Variants in CCSER1 observed in about 807,000 individuals in gnomAD.
The protein encoded by CCSER1 is serine-rich coiled-coil domain-containing protein 1.
Under a neutral mutation model 82.0 loss-of-function variants are expected in CCSER1, and 41 were observed. That is an observed-to-expected ratio of 0.50 (90% CI 0.39 to 0.65). The LOEUF (loss-of-function observed/expected upper bound fraction) is 0.65, where lower values mean the gene tolerates loss of function less well. Among genes scored for constraint, CCSER1 ranks in the 30% least tolerant of loss-of-function variants. The pLI, the probability that CCSER1 is intolerant of heterozygous loss-of-function variation, is 0.00. For missense variants in CCSER1, 1,119 were observed against 1,064.2 expected (o/e 1.05, Z -0.72); for synonymous variants, 414 against 383.9 (o/e 1.08, Z -0.92).
intron 5 of CCSER1, among the ~76,000 whole-genome samples, chr4:90,512,555 G>A (rs1771685054): frequency 6.6e-6 from 1 of 152,018 alleles, no homozygotes; most frequent in Non-Finnish European, 1.5e-5. Context: ...TCTTATGTCT[G>A]TAAGATGGAT....
chr4:90,566,091 C>G (rs906422639), intron 5 of CCSER1, among the ~76,000 whole-genome samples: 1 of 151,076 alleles, frequency 6.6e-6, no homozygotes, highest in African/African-American at 2.4e-5. Context: ...CTCCTGACCT[C>G]AAATGATCCA....
chr4:90,233,479 G>A (rs1159154163), intron 1 of CCSER1, among the ~76,000 whole-genome samples: 1 of 152,040 alleles, frequency 6.6e-6, no homozygotes, highest in African/African-American at 2.4e-5. Context: ...GTTGTGGGGT[G>A]GGGAAAGTGG....
At position 91,597,979 on chromosome 4, in the gene CCSER1, T is replaced by C. The variant is rs189094297; in HGVS notation, c.2218-593T>C. Reference sequence around the variant, plus strand: ...TATGTACTTGTGGACCTGATTTTGATTAATAAATTGCATCCAAAAGTCTAA... The same window carrying C: ...TATGTACTTGTGGACCTGATTTTGACTAATAAATTGCATCCAAAAGTCTAA... On this transcript the variant is annotated intron_variant, in intron 10 of 10. Transcript: ENST00000509176. Among the ~76,000 whole-genome samples the C allele has an allele frequency of 9.4e-4, 143 of 152,316 alleles. 2 individuals carry two copies. Among genetic ancestry groups the C allele is most frequent in the Non-Finnish European group, 1.0e-3 (68 of 68,020 alleles).
chr4:90,391,509 A>ATATATATG (rs1295561768), intron 3 of CCSER1, among the ~76,000 whole-genome samples: 1 of 114,346 alleles, frequency 8.7e-6, no homozygotes, highest in African/African-American at 5.2e-5. Context: ...GGGTAAATAT[A>ATATATATG]TATATATATA....
Position 91,113,447 on chromosome 4 carries a change from C to G in CCSER1, c.2217+27453C>G, listed in dbSNP as rs6815739. Reference sequence around the variant, plus strand: ...TATCATCACAAATCCACCCTGGAGACTTACGTTTTGAGTGATTAGTAGGTC... The same window carrying G: ...TATCATCACAAATCCACCCTGGAGAGTTACGTTTTGAGTGATTAGTAGGTC... On this transcript the variant is annotated intron_variant, in intron 10 of 10. Coordinates refer to ENST00000509176, the MANE Select transcript of CCSER1 (RefSeq NM_001145065.2). Among the ~76,000 whole-genome samples, 1,039 of 152,270 alleles carry G rather than the reference C, an allele frequency of 6.8e-3. 8 individuals are homozygous for G. Among genetic ancestry groups the G allele is most frequent in the African/African-American group, 0.023 (971 of 41,554 alleles).
intron 8 of CCSER1, among the ~76,000 whole-genome samples, chr4:90,816,723 A>G (rs548893655): frequency 6.6e-6 from 1 of 152,256 alleles, no homozygotes; most frequent in Non-Finnish European, 1.5e-5. Context: ...CGTATTTTTA[A>G]TGATTATTTC....
At chr4:90,904,881 T>C (rs1240568683) in intron 8 of CCSER1, among the ~76,000 whole-genome samples, 1 of 152,086 alleles carries the variant, frequency 6.6e-6, no homozygotes, top group Non-Finnish European at 1.5e-5. Context: ...TTCACCCTTA[T>C]TTTCAGTTCA....
chr4:90,494,210 G>A (rs903701904), intron 5 of CCSER1, among the ~76,000 whole-genome samples: 17 of 152,162 alleles, frequency 1.1e-4, no homozygotes, highest in African/African-American at 1.2e-4. Context: ...CACAAGAAGA[G>A]CTAACTATCC....
chr4:91,031,189 A>T (rs1740951753), intron 9 of CCSER1, among the ~76,000 whole-genome samples: 1 of 152,194 alleles, frequency 6.6e-6, no homozygotes, highest in Non-Finnish European at 1.5e-5. Flanking sequence ...CACTGCCTGG[A>T]TGAGCTTGAT....
chr4:90,511,321 G>A (rs528916398), intron 5 of CCSER1, among the ~76,000 whole-genome samples: 8 of 152,158 alleles, frequency 5.3e-5, no homozygotes, highest in African/African-American at 9.7e-5. Context: ...GGGAGGCTGA[G>A]GCAGGAGAAT....
chr4:90,569,887 G>A (rs562894657), intron 5 of CCSER1, among the ~76,000 whole-genome samples: 45 of 152,206 alleles, frequency 3.0e-4, no homozygotes, highest in African/African-American at 1.1e-3. Context: ...GCTCCCACAG[G>A]AGAGTGCCTA....
intron 10 of CCSER1, among the ~76,000 whole-genome samples, chr4:91,164,517 G>C (rs1731813254): frequency 6.6e-6 from 1 of 152,102 alleles, no homozygotes; most frequent in Non-Finnish European, 1.5e-5. Context: ...TAATATCCTG[G>C]AGAGTGTTTT....
At chr4:90,607,477 G>A (rs1159962807) in intron 5 of CCSER1, among the ~76,000 whole-genome samples, 1 of 152,084 alleles carries the variant, frequency 6.6e-6, no homozygotes, top group Non-Finnish European at 1.5e-5. Flanking sequence ...GGTTCCTTCT[G>A]AGGGCTGCCT....
intron 1 of CCSER1, among the ~76,000 whole-genome samples, chr4:90,273,507 T>A (rs1322668117): frequency 6.6e-6 from 1 of 152,140 alleles, no homozygotes; most frequent in African/African-American, 2.4e-5. Flanking sequence ...AAAAATAATT[T>A]TAAAAAACTG....
chr4:91,027,726 G>T (rs1189898836), intron 9 of CCSER1, among the ~76,000 whole-genome samples: 2 of 151,992 alleles, frequency 1.3e-5, no homozygotes, highest in Non-Finnish European at 2.9e-5. Flanking sequence ...TCTAATTTTA[G>T]TGAGGCATAT....
At chr4:90,343,799 C>T (rs1476811470) in intron 3 of CCSER1, among the ~76,000 whole-genome samples, 1 of 151,984 alleles carries the variant, frequency 6.6e-6, no homozygotes, top group Non-Finnish European at 1.5e-5. Context: ...GTACATGCGA[C>T]ATTTTCATAC....
At position 90,791,997 on chromosome 4, in the gene CCSER1, C is replaced by G. The variant is rs562357398; in HGVS notation, c.2011-23765C>G. ...TATTGCAGTTGCCTTGAACCAGTCC[C>G]ACAGTATCTCAGAGGTATGCCCATA... On this transcript the variant is annotated intron_variant, in intron 7 of 10. Transcript: ENST00000509176. 6.6e-5 allele frequency among the ~76,000 whole-genome samples: 10 copies of G among 152,276 alleles called. No individual in the cohort carries two copies. In the South Asian group the frequency reaches 2.1e-3, roughly 32 times the overall value.
chr4:90,781,984 G>A (rs1398606650), intron 7 of CCSER1: 6 of 881,602 alleles, frequency 6.8e-6, no homozygotes, highest in Non-Finnish European at 8.2e-6. Flanking sequence ...AAAATAAAAT[G>A]AAGAACATTT....
intron 9 of CCSER1, among the ~76,000 whole-genome samples, chr4:91,075,428 G>A (rs1005333389): frequency 6.6e-6 from 1 of 151,908 alleles, no homozygotes; most frequent in Non-Finnish European, 1.5e-5. Context: ...AATATGCTTT[G>A]CTCAAGACAT....
Sources: gnomAD v4.1 joint callset for allele counts (sites outside exome capture counted in the v4.1 genomes callset) on GRCh38, gnomAD v4.1.1 for gene constraint, MANE v1.5 for transcripts, NCBI Gene and HGNC (gene_info 2026-07-23, HGNC 2026-07-21) for gene names.